Variants in PPP2R2B observed in about 807,000 individuals in gnomAD.
PPP2R2B encodes the protein protein phosphatase 2 regulatory subunit Bbeta.
A neutral mutation model predicts 46.0 loss-of-function variants in PPP2R2B; 5 were observed. The ratio of observed to expected loss-of-function variants is 0.11; its 90% CI spans 0.06 to 0.23. The LOEUF (loss-of-function observed/expected upper bound fraction) is 0.23, where lower values mean the gene tolerates loss of function less well. Ranked by LOEUF, PPP2R2B falls within the 10% of genes least tolerant of loss-of-function variation. The pLI is 1.00. For missense variants in PPP2R2B, 367 were observed against 575.0 expected, an observed-to-expected ratio of 0.64 and a Z score of 3.70; for synonymous variants, 215 against 206.7, an observed-to-expected ratio of 1.04 and a Z score of -0.34.
At chr5:146,849,514 C>T (rs1760214474) in intron 2 of PPP2R2B, among the ~76,000 whole-genome samples, 1 of 152,190 alleles carries the variant, frequency 6.6e-6, no homozygotes, top group African/African-American at 2.4e-5. Context: ...TGTTGACTTA[C>T]TGTTGAATTT....
intron 2 of PPP2R2B, among the ~76,000 whole-genome samples, chr5:146,797,330 C>A (rs756901400): frequency 6.6e-6 from 1 of 152,182 alleles, no homozygotes. Context: ...AGCTACCCTG[C>A]TAAACAACCT....
intron 1 of PPP2R2B, among the ~76,000 whole-genome samples, chr5:146,898,064 A>G (rs1373625092): frequency 6.6e-6 from 1 of 152,208 alleles, no homozygotes; most frequent in Non-Finnish European, 1.5e-5. Context: ...AGGAGCCTGT[A>G]ATCCCAGATA....
intron 1 of PPP2R2B, among the ~76,000 whole-genome samples, chr5:146,997,785 C>T (rs1313389234): frequency 6.6e-6 from 1 of 152,072 alleles, no homozygotes; most frequent in Non-Finnish European, 1.5e-5. Context: ...AGCAACATCT[C>T]TATAGACAAA....
intron 1 of PPP2R2B, among the ~76,000 whole-genome samples, chr5:146,941,848 T>G (rs1282841689): frequency 6.6e-6 from 1 of 152,208 alleles, no homozygotes; most frequent in Non-Finnish European, 1.5e-5. Context: ...CAGGCATTTA[T>G]TCTTTCACAG....
At chr5:146,819,791 G>C (rs1246654658) in intron 2 of PPP2R2B, among the ~76,000 whole-genome samples, 1 of 152,070 alleles carries the variant, frequency 6.6e-6, no homozygotes, top group African/African-American at 2.4e-5. Context: ...AAAGAAATCA[G>C]TATGTCAAAG....
chr5:146,902,012 G>A (rs1762850659), intron 1 of PPP2R2B, among the ~76,000 whole-genome samples: 1 of 152,100 alleles, frequency 6.6e-6, no homozygotes, highest in African/African-American at 2.4e-5. Flanking sequence ...ACAATTCAAA[G>A]TGTGATGAAA....
intron 1 of PPP2R2B, among the ~76,000 whole-genome samples, chr5:146,950,052 G>A (rs1010019827): frequency 2.0e-5 from 3 of 151,942 alleles, no homozygotes; most frequent in Admixed American, 2.0e-4. Flanking sequence ...GTATTTGATA[G>A]CACAACAGAA....
intron 1 of PPP2R2B, among the ~76,000 whole-genome samples, chr5:146,883,961 G>A (rs1582355136): frequency 6.6e-6 from 1 of 152,116 alleles, no homozygotes; most frequent in East Asian, 1.9e-4. Context: ...GCTATTGAGA[G>A]CTGATTTTGC....
intron 2 of PPP2R2B, among the ~76,000 whole-genome samples, chr5:146,810,638 C>T (rs1329035014): frequency 6.6e-6 from 1 of 152,114 alleles, no homozygotes; most frequent in Non-Finnish European, 1.5e-5. Flanking sequence ...TATGCTCTTT[C>T]CTTCACCTTC....
At chr5:146,663,739 G>C (rs565076278) in intron 5 of PPP2R2B, among the ~76,000 whole-genome samples, 1 of 152,154 alleles carries the variant, frequency 6.6e-6, no homozygotes. Context: ...ATCTTTTTGC[G>C]GGTAGATGGT....
chr5:147,073,598 A>T (rs1292124460), intron 2 of PPP2R2B, among the ~76,000 whole-genome samples: 1 of 152,182 alleles, frequency 6.6e-6, no homozygotes, highest in Admixed American at 6.5e-5. Context: ...GCTGCACAGT[A>T]TCTCACATTT....
At chr5:146,882,768 T>C (rs1042151006), upstream of PPP2R2B, among the ~76,000 whole-genome samples, 2 of 152,224 alleles carry the variant, frequency 1.3e-5, no homozygotes, top group African/African-American at 4.8e-5. Context: ...TAGTGTCTAA[T>C]TTACAGTTTA....
At chr5:146,602,349 T>C (rs541160121) in intron 7 of PPP2R2B, among the ~76,000 whole-genome samples, 74 of 152,334 alleles carry the variant, frequency 4.9e-4, no homozygotes, top group African/African-American at 1.6e-3. Context: ...ATTTGTTGCT[T>C]CACTGGAGCC....
At chr5:146,879,539 CAT>C (rs1422849955), upstream of PPP2R2B, among the ~76,000 whole-genome samples, 2 of 152,150 alleles carry the variant, frequency 1.3e-5, no homozygotes, top group African/African-American at 4.8e-5. Flanking sequence ...AGCACAGAAA[CAT>C]AAGCATAAGA....
In PPP2R2B at chr5:146,877,588, T is replaced by G. The variant is rs964298341; in HGVS notation, c.70+414A>C. ...GCAGGAAATGAAACCTTGCCCTCCC[T>G]GCAGCCACTGAGAGACATAACATCG... On this transcript the variant is annotated intron_variant, in intron 2 of 9. Transcript: ENST00000394411. Among the ~76,000 whole-genome samples the G allele has an allele frequency of 2.0e-5, 3 of 152,026 alleles. No homozygotes were observed. In the East Asian group the frequency reaches 5.8e-4, roughly 29 times the overall value.
At chr5:146,623,736 T>A (rs139432559) in intron 7 of PPP2R2B, among the ~76,000 whole-genome samples, 27 of 152,318 alleles carry the variant, frequency 1.8e-4, no homozygotes, top group African/African-American at 6.5e-4. Context: ...ATTATGAGCT[T>A]CGTGGGGATA....
At chr5:146,616,110 G>C (rs1369084652) in intron 7 of PPP2R2B, among the ~76,000 whole-genome samples, 8 of 152,052 alleles carry the variant, frequency 5.3e-5, no homozygotes. Flanking sequence ...TTTCAACAAA[G>C]GTGCCAAGAA....
intron 1 of PPP2R2B, among the ~76,000 whole-genome samples, chr5:147,041,742 A>G (rs889980351): frequency 1.3e-5 from 2 of 151,872 alleles, no homozygotes; most frequent in Admixed American, 6.6e-5. Flanking sequence ...TATTTTTATT[A>G]TTTGCTTTTT....
chr5:146,591,556 T>A, intron 9 of PPP2R2B, among the ~76,000 whole-genome samples: 1 of 151,992 alleles, frequency 6.6e-6, no homozygotes, highest in East Asian at 1.9e-4. Flanking sequence ...CAAACCCACA[T>A]ATGGTTGACT....
Sources: gnomAD v4.1 joint callset for allele counts (sites outside exome capture counted in the v4.1 genomes callset) on GRCh38, gnomAD v4.1.1 for gene constraint, MANE v1.5 for transcripts, NCBI Gene and HGNC (gene_info 2026-07-23, HGNC 2026-07-21) for gene names.